ZNF93: variants seen among roughly 807,000 people sequenced by gnomAD.
ZNF93 encodes zinc finger protein 93, also known as zinc finger protein 505.
Under a neutral mutation model 45.0 loss-of-function variants are expected in ZNF93, and 29 were observed. The observed-to-expected ratio is 0.64, with a 90% CI of 0.48 to 0.88. The LOEUF is 0.88. Among genes scored for constraint, ZNF93 ranks in the 40% least tolerant of loss-of-function variants. The pLI is 0.00. For synonymous variants in ZNF93, 223 were observed against 244.6 expected (o/e 0.91, Z 0.82); for missense variants, 578 against 724.0 (o/e 0.80, Z 2.31).
chr19:19,929,165 T>C (rs2063364971), intron 3 of ZNF93, among the ~76,000 whole-genome samples: 1 of 151,160 alleles, frequency 6.6e-6, no homozygotes, highest in African/African-American at 2.4e-5. Flanking sequence ...ACTTGCTCTG[T>C]CTCTTACCAT....
At chr19:19,905,673 C>G (rs1398648655) in intron 1 of ZNF93, among the ~76,000 whole-genome samples, 1 of 152,124 alleles carries the variant, frequency 6.6e-6, no homozygotes, top group Non-Finnish European at 1.5e-5. Flanking sequence ...TTACTTTAGC[C>G]TCAGCCTCCC....
chr19:19,924,961 T>C (rs976357921), intron 3 of ZNF93, among the ~76,000 whole-genome samples: 1 of 152,220 alleles, frequency 6.6e-6, no homozygotes, highest in African/African-American at 2.4e-5. Flanking sequence ...ATTGAATCAT[T>C]GATTTGCTTC....
At position 19,933,417 on chromosome 19, in the gene ZNF93, T is replaced by G; in HGVS notation, c.462T>G (p.Phe154Leu). The part of the protein sequence containing the change: ...VFQCDKYGKV[F>L]HKFSNSNRHN... ...AATGTGATAAATATGGGAAAGTCTT[T>G]CATAAATTTTCAAATTCAAATAGAC... is the stretch of plus-strand genomic sequence containing the variant. Residue 154 changes from phenylalanine (F) to leucine (L), a missense_variant, in exon 4 of 4, where the codon TTT becomes TTG. By Grantham distance (22) the Phe-to-Leu change is conservative. Around this residue, in one of 3 missense-constraint regions of ZNF93, gnomAD observed 446 missense variants for 547.6 expected, o/e 0.81. Coordinates refer to ENST00000343769, the MANE Select transcript of ZNF93 (RefSeq NM_031218.4). 6.3e-7 allele frequency: 1 copy of G among 1,595,938 alleles called. No homozygotes were observed. The highest frequency in any genetic ancestry group is 8.5e-7 in the Non-Finnish European group (1 of 1,174,270).
intron 3 of ZNF93, chr19:19,932,013 C>T (rs898779026): frequency 1.1e-5 from 4 of 370,562 alleles, no homozygotes; most frequent in South Asian, 3.9e-5. Context: ...TACAGGTGCA[C>T]GCCTGTTATC....
chr19:19,911,471 C>T (rs1298410588), intron 1 of ZNF93, among the ~76,000 whole-genome samples: 2 of 152,114 alleles, frequency 1.3e-5, no homozygotes, highest in Non-Finnish European at 2.9e-5. Context: ...TTTCCTGGTA[C>T]TTGGATAATA....
At chr19:19,902,482 T>A (rs1359842181) in intron 1 of ZNF93, among the ~76,000 whole-genome samples, 1 of 152,118 alleles carries the variant, frequency 6.6e-6, no homozygotes, top group African/African-American at 2.4e-5. Flanking sequence ...GGTCTCGAGC[T>A]CCCGGCCTCT....
chr19:19,915,852 C>A (rs999597412), intron 2 of ZNF93, among the ~76,000 whole-genome samples: 1 of 151,514 alleles, frequency 6.6e-6, no homozygotes, highest in African/African-American at 2.4e-5. Flanking sequence ...GAGAAAAAAA[C>A]AAAAATTTCT....
At chr19:19,925,451 T>G (rs1164613410) in intron 3 of ZNF93, among the ~76,000 whole-genome samples, 1 of 152,156 alleles carries the variant, frequency 6.6e-6, no homozygotes, top group East Asian at 1.9e-4. Context: ...TTGAGATCTT[T>G]TTTGCTGTAA....
chr19:19,916,530 G>A (rs762986609), intron 2 of ZNF93, 30 bp from the exon 3 acceptor site: 1 of 1,570,330 alleles, frequency 6.4e-7, no homozygotes, highest in Non-Finnish European at 8.8e-7. Context: ...ATATGAGCAA[G>A]ATTCATGTTA....
chr19:19,934,673 CT>C lies in ZNF93; in HGVS notation c.1722del (p.Phe574LeufsTer40), dbSNP rs1320479185. 6.2e-7 allele frequency: 1 copy of C among 1,613,784 alleles called. No individual in the cohort carries two copies. The highest frequency in any genetic ancestry group is 8.5e-7 in the Non-Finnish European group (1 of 1,179,816). ...TATAGATGTAGAGAATGTGGCAAAG[CT>C]TTTAACCATTCTGCAACCCTTTCTT... ...KPYRCRECGK[A>X]FNHSATLSSH... On this transcript the variant is annotated frameshift_variant, in exon 4 of 4. Coordinates refer to ENST00000343769, the MANE Select transcript of ZNF93 (RefSeq NM_031218.4). LOFTEE classifies it high-confidence loss of function.
intron 3 of ZNF93, among the ~76,000 whole-genome samples, chr19:19,917,852 T>C (rs1049549182): frequency 6.6e-6 from 1 of 152,204 alleles, no homozygotes; most frequent in Non-Finnish European, 1.5e-5. Flanking sequence ...GTTTTTAAAA[T>C]ATGAGATTGT....
chr19:19,904,293 A>G (rs1049390170), intron 1 of ZNF93, among the ~76,000 whole-genome samples: 4 of 151,994 alleles, frequency 2.6e-5, no homozygotes, highest in South Asian at 2.1e-4. Context: ...AGGATTATCT[A>G]TGTGTTTCAT....
chr19:19,916,682 C>T (rs1416385530), intron 3 of ZNF93, 27 bp downstream of exon 3: 8 of 1,540,226 alleles, frequency 5.2e-6, no homozygotes, highest in Non-Finnish European at 7.1e-6. Context: ...ATGAATACAA[C>T]AGACAACACA....
rs930373620 is a variant in ZNF93, at chr19:19,935,015, G to A, written c.*197G>A. The A allele has an allele frequency of 8.8e-6, 5 of 568,176 alleles. No homozygotes were observed. In the East Asian group the frequency reaches 1.2e-4, roughly 13 times the overall value. 35.2% of individuals were successfully genotyped at this position (568,176 alleles called of 1,614,324 possible). ...CCTGCAGACCTTGGCCTTTACTACG[G>A]TACCTGAAGTGGTTCAATGACTCAG... On this transcript the variant is annotated 3_prime_UTR_variant, in exon 4 of 4. Transcript: ENST00000343769.
chr19:19,932,906 A>G (rs924094636), intron 3 of ZNF93: 1 of 206,852 alleles, frequency 4.8e-6, no homozygotes, highest in African/African-American at 2.3e-5. Context: ...TTAAATCTGT[A>G]GATTAAATTG....
At chr19:19,916,842 T>C (rs2063325846) in intron 3 of ZNF93, among the ~76,000 whole-genome samples, 187 bp downstream of exon 3, 1 of 152,246 alleles carries the variant, frequency 6.6e-6, no homozygotes. Context: ...TTCCGTTTTA[T>C]GCTTTTAAAT....
At position 19,915,448 on chromosome 19, in the gene ZNF93, G is replaced by T. The variant is rs543926402; in HGVS notation, c.130+42G>T. 4 of 1,572,900 alleles carry T rather than the reference G, an allele frequency of 2.5e-6. No homozygotes were observed. In the East Asian group the frequency reaches 9.1e-5, roughly 36 times the overall value. On this transcript the variant is annotated intron_variant, in intron 2 of 3. Coordinates refer to ENST00000343769, the MANE Select transcript of ZNF93 (RefSeq NM_031218.4). ...TACATAATTCATAATACACCCTAAA[G>T]GTTTTATTTCTCTTTTTTGTAGAAT...
intron 2 of ZNF93, among the ~76,000 whole-genome samples, 183 bp from the exon 3 acceptor site, chr19:19,916,377 C>T (rs1160954825): frequency 6.6e-6 from 1 of 152,088 alleles, no homozygotes; most frequent in Non-Finnish European, 1.5e-5. Context: ...GGATCACAGG[C>T]GTGAGCCACT....
At chr19:19,925,976 C>A (rs558003015) in intron 3 of ZNF93, 62 of 152,002 alleles carry the variant, frequency 4.1e-4, no homozygotes, top group African/African-American at 1.4e-3. Flanking sequence ...AATTATACGG[C>A]ATATTCTCTG....
Sources: gnomAD v4.1 joint callset for allele counts (sites outside exome capture counted in the v4.1 genomes callset) on GRCh38, gnomAD v4.1.1 for gene constraint, gnomAD v4.1.1 regional missense constraint, MANE v1.5 for transcripts, NCBI Gene and HGNC (gene_info 2026-07-23, HGNC 2026-07-21) for gene names.